The following SLC16A8 variants were observed in gnomAD, a reference collection of about 807,000 sequenced individuals.
SLC16A8 encodes the protein solute carrier family 16 member 8, also known as monocarboxylate transporter 3.
In SLC16A8, 20 loss-of-function variants were observed where a neutral mutation model predicts 22.4. The ratio of observed to expected loss-of-function variants is 0.89; its 90% CI spans 0.63 to 1.30. SLC16A8 has a LOEUF of 1.30. Among genes scored for constraint, SLC16A8 ranks in the 50% most tolerant of loss-of-function variants. SLC16A8 has a pLI of 0.00. For synonymous variants in SLC16A8, 393 were observed against 358.8 expected, an observed-to-expected ratio of 1.10 and a Z score of -1.08; for missense variants, 817 against 740.3, an observed-to-expected ratio of 1.10 and a Z score of -1.20.
rs766320538 is a variant in SLC16A8, at chr22:38,082,854, CG to C, written c.19del (p.Arg7GlyfsTer33). MGAGGP[R>X]RGEGPPDGGW... ...GCCGTCTGGGGGGCCCTCGCCCCGC[CG>C]GGGGCCGCCAGCGCCCATCGCTGCC... On this transcript the variant is annotated frameshift_variant, in exon 3 of 6. Transcript: ENST00000681075. LOFTEE classifies it high-confidence loss of function. 1.4e-5 allele frequency: 22 copies of C among 1,551,374 alleles called. No homozygotes were observed. The African/African-American group carries it at 1.9e-4, about 13-fold the overall frequency.
chr22:38,082,627 C>A, intron 3 of SLC16A8, 33 bp downstream of exon 3: 2 of 1,514,358 alleles, frequency 1.3e-6, no homozygotes, highest in African/African-American at 1.4e-5. Flanking sequence ...CCAGGGGTCC[C>A]GGGGAGGCGG....
intron 5 of SLC16A8, among the ~76,000 whole-genome samples, chr22:38,079,377 A>G (rs2085887356): frequency 1.3e-5 from 2 of 152,084 alleles, no homozygotes; most frequent in South Asian, 2.1e-4. Context: ...TTGGCCTCTC[A>G]AAGTGCTGGG....
chr22:38,078,287 G>A lies in SLC16A8; in HGVS notation c.*101C>T, dbSNP rs768445029. ...CAACTGGAGCCCAGACGTGGACCCCGGGAGTGACCACCCCAGACCAGCCTC... is the reference window on the plus strand; with the variant it reads ...CAACTGGAGCCCAGACGTGGACCCCAGGAGTGACCACCCCAGACCAGCCTC... On this transcript the variant is annotated 3_prime_UTR_variant, in exon 6 of 6. Transcript: ENST00000681075. The A allele has an allele frequency of 1.2e-5, 14 of 1,170,624 alleles. No individual in the cohort carries two copies. The highest frequency in any genetic ancestry group is 1.5e-5 in the African/African-American group (1 of 65,444). 72.5% of individuals were successfully genotyped at this position (1,170,624 alleles called of 1,614,324 possible).
At position 38,078,197 on chromosome 22, in the gene SLC16A8, T is replaced by G. The variant is rs775331053; in HGVS notation, c.*191A>C. 34 of 577,108 alleles carry G rather than the reference T, an allele frequency of 5.9e-5. No homozygotes were observed. Among genetic ancestry groups the G allele is most frequent in the Middle Eastern group, 9.3e-4 (2 of 2,160 alleles). The allele number at this position is 577,108 out of a possible 1,614,324, so 35.7% of individuals were successfully genotyped here. On this transcript the variant is annotated 3_prime_UTR_variant, in exon 6 of 6. Coordinates refer to ENST00000681075, the MANE Select transcript of SLC16A8 (RefSeq NM_013356.3). ...TGCTCCATAGCAGCTTCACTGGCGA[T>G]GGGGCAGGGCCTGGCGGAACTTGGG... is the stretch of plus-strand genomic sequence containing the variant.
Position 38,082,030 on chromosome 22 carries a change from G to A in SLC16A8, c.217C>T (p.Pro73Ser). 1.9e-6 allele frequency: 3 copies of A among 1,577,260 alleles called. No homozygotes were observed. Among genetic ancestry groups the A allele is most frequent in the Non-Finnish European group, 2.6e-6 (3 of 1,162,058 alleles). ...IMLAMLYGTGPVSSILVTRFG... is the reference protein window; with the variant it reads ...IMLAMLYGTGSVSSILVTRFG... ...CGGGTCACGAGGATGCTGGACACGGGGCCTGTGGGCAGGGCAGGGTCACCA... is the reference window on the plus strand; with the variant it reads ...CGGGTCACGAGGATGCTGGACACGGAGCCTGTGGGCAGGGCAGGGTCACCA... Residue 73 changes from proline (P) to serine (S), a missense_variant and splice_region_variant, in exon 4 of 6, where the codon CCC becomes TCC. Physicochemically the swap from Pro to Ser is moderately conservative, Grantham distance 74 (BLOSUM62 -1). Coordinates refer to ENST00000681075, the MANE Select transcript of SLC16A8 (RefSeq NM_013356.3).
intron 5 of SLC16A8, among the ~76,000 whole-genome samples, chr22:38,079,568 C>T (rs1231053189): frequency 1.3e-5 from 2 of 152,170 alleles, no homozygotes; most frequent in Non-Finnish European, 2.9e-5. Flanking sequence ...ACCAGAGGTG[C>T]ACGCCACCAC....
chr22:38,082,909 G>A (rs2085942967), intron 2 of SLC16A8, 28 bp from the exon 3 acceptor site: 1 of 1,304,232 alleles, frequency 7.7e-7, no homozygotes, highest in African/African-American at 1.5e-5. Flanking sequence ...GGACAAGAGG[G>A]AGGGGCTGGG....
chr22:38,078,413 G>T lies in SLC16A8; in HGVS notation c.1490C>A (p.Pro497Gln). Residue 497 changes from proline to glutamine, a missense_variant, in exon 6 of 6, where the codon CCG becomes CAG. Transcript: ENST00000681075. ...TTATACAGACTCGGCAGCCAGCCTCGGCCTCGCCTCTATTTCTGGTTCTGT... is the reference window on the plus strand; with the variant it reads ...TTATACAGACTCGGCAGCCAGCCTCTGCCTCGCCTCTATTTCTGGTTCTGT... ...EPTEPEIEAR[P>Q]RLAAESV is the part of the protein sequence containing the mutation. The T allele has an allele frequency of 6.2e-7, 1 of 1,604,400 alleles. No homozygotes were observed. Among genetic ancestry groups the T allele is most frequent in the Non-Finnish European group, 8.5e-7 (1 of 1,178,012 alleles).
In SLC16A8 at chr22:38,081,394, T is replaced by C. The variant is rs1335600390; in HGVS notation, c.644A>G (p.Asp215Gly). ...RRDSAGDRAG[D>G]APGEAEADGA... The stretch of plus-strand genomic sequence containing the variant: ...GTCAGCCTCCGCCTCGCCCGGAGCG[T>C]CCCCGGCGCGGTCGCCGGCGCTGTC... The change falls in exon 5 of 6, where the codon GAC (aspartate) becomes GGC (glycine). Residue 215 changes from aspartate to glycine, a missense_variant. Transcript: ENST00000681075. The C allele has an allele frequency of 1.2e-5, 16 of 1,370,182 alleles. No homozygotes were observed. Among genetic ancestry groups the C allele is most frequent in the Non-Finnish European group, 1.5e-5 (16 of 1,066,884 alleles). The allele number at this position is 1,370,182 out of a possible 1,614,324, so 84.9% of individuals were successfully genotyped here. A position where few individuals can be genotyped will look rare whatever the true frequency, so the allele number is the denominator to read the frequency against.
At chr22:38,082,120 G>T in intron 3 of SLC16A8, 88 bp from the exon 4 acceptor site, 1 of 1,408,888 alleles carries the variant, frequency 7.1e-7, no homozygotes. Flanking sequence ...GGGACACAGA[G>T]AGGAGGGCAG....
Position 38,081,220 on chromosome 22 carries a change from A to C in SLC16A8, c.818T>G (p.Leu273Arg). The change falls in exon 5 of 6, where the codon CTG (leucine) becomes CGG (arginine). Residue 273 changes from leucine to arginine, a missense_variant. Physicochemically the swap from Leu to Arg is moderately radical, Grantham distance 102 (BLOSUM62 -2). Transcript: ENST00000681075. ...MALGLFVPAI[L>R]LVNYAKDAGV... ...CGCGTCCTTGGCGTAGTTCACCAGC[A>C]GGATGGCGGGGACGAAGAGCCCGAG... 6.3e-7 allele frequency: 1 copy of C among 1,577,760 alleles called. No individual in the cohort carries two copies. Among genetic ancestry groups the C allele is most frequent in the Non-Finnish European group, 8.6e-7 (1 of 1,162,576 alleles).
In SLC16A8 at chr22:38,083,148, C is replaced by T; in HGVS notation, c.-115G>A. 1 of 469,334 alleles carries T rather than the reference C, an allele frequency of 2.1e-6. No individual in the cohort carries two copies. The highest frequency in any genetic ancestry group is 3.8e-6 in the Non-Finnish European group (1 of 262,648). The allele number at this position is 469,334 out of a possible 1,614,324, so 29.1% of individuals were successfully genotyped here. On this transcript the variant is annotated 5_prime_UTR_variant, in exon 2 of 6. Transcript: ENST00000681075. ...CTCCCTCTGAAGGACAACTGCTGGC[C>T]CCTCAGGGCCTCAGGTGGAAGGCGT... is the stretch of plus-strand genomic sequence containing the variant.
chr22:38,082,875 G>A lies in SLC16A8; in HGVS notation c.-2C>T. On this transcript the variant is annotated 5_prime_UTR_variant, in exon 3 of 6. Transcript: ENST00000681075. ...CCGCCGGGGGCCGCCAGCGCCCATC[G>A]CTGCCTCTGTTGGGAGGGGGCGGGG... 1.3e-6 allele frequency: 2 copies of A among 1,531,554 alleles called. No homozygotes were observed. Among genetic ancestry groups the A allele is most frequent in the Non-Finnish European group, 8.8e-7 (1 of 1,140,862 alleles). 94.9% of individuals were successfully genotyped at this position (1,531,554 alleles called of 1,614,324 possible).
intron 5 of SLC16A8, among the ~76,000 whole-genome samples, chr22:38,078,911 C>T (rs2145894847): frequency 6.6e-6 from 1 of 152,326 alleles, no homozygotes; most frequent in African/African-American, 2.4e-5. Context: ...ACTTGCTGTC[C>T]CTGGACCTCA....
intron 5 of SLC16A8, 141 bp from the exon 6 acceptor site, chr22:38,078,845 G>A (rs1004764): frequency 0.66 from 432,693 of 659,144 alleles, 146,565 homozygotes; most frequent in African/African-American, 0.92. Flanking sequence ...CTTTATTCCT[G>A]TTTTACAGAT....
In SLC16A8 at chr22:38,080,919, G is replaced by A; in HGVS notation, c.1119C>T (p.Gly373=). ...CCAGCGCACTGGGGAAGCGGGGCGC[G>A]CCCACAGCCGCCATGAGCACCTCGA... The part of the protein sequence containing the change: ...LQFEVLMAAV[G]APRFPSALGL... Residue 373 remains glycine, a synonymous_variant, in exon 5 of 6, where the codon GGC becomes GGT. Coordinates refer to ENST00000681075, the MANE Select transcript of SLC16A8 (RefSeq NM_013356.3). 7 of 1,571,354 alleles carry A rather than the reference G, an allele frequency of 4.5e-6. No homozygotes were observed. The highest frequency in any genetic ancestry group is 5.1e-6 in the Non-Finnish European group (6 of 1,165,122).
In SLC16A8 at chr22:38,081,599, C is replaced by T. The variant is rs965400443; in HGVS notation, c.439G>A (p.Gly147Arg). 5 of 1,518,096 alleles carry T rather than the reference C, an allele frequency of 3.3e-6. No individual in the cohort carries two copies. The African/African-American group carries it at 5.7e-5, about 17-fold the overall frequency. 94.0% of individuals were successfully genotyped at this position (1,518,096 alleles called of 1,614,324 possible). Residue 147 changes from glycine (G) to arginine (R), a missense_variant, in exon 5 of 6, where the codon GGG (glycine) becomes AGG (arginine). Coordinates refer to ENST00000681075, the MANE Select transcript of SLC16A8 (RefSeq NM_013356.3). ...ACGGGGCTGCCCGCCGCCGCCAGCC[C>T]GTTGGCCAGAGGCCGCCGCCGCTCG... ...YFERRRPLAN[G>R]LAAAGSPVFL...
At chr22:38,080,051 C>T (rs1367506958) in intron 5 of SLC16A8, among the ~76,000 whole-genome samples, 1 of 152,258 alleles carries the variant, frequency 6.6e-6, no homozygotes, top group Non-Finnish European at 1.5e-5. Context: ...CTGGTTACTG[C>T]ACCATCTCAC....
Position 38,081,193 on chromosome 22 carries a change from C to A in SLC16A8, c.845G>T (p.Gly282Val), listed in dbSNP as rs1299319467. The A allele has an allele frequency of 6.4e-7, 1 of 1,558,896 alleles. No homozygotes were observed. The stretch of plus-strand genomic sequence containing the variant: ...GAAGGCGGCGTCGGTGTCGGGCACG[C>A]CCGCGTCCTTGGCGTAGTTCACCAG... Reference protein sequence around the residue: ...ILLVNYAKDAGVPDTDAAFLL... With the variant: ...ILLVNYAKDAVVPDTDAAFLL... The change falls in exon 5 of 6, where the codon GGC becomes GTC. Residue 282 changes from glycine to valine, a missense_variant. Transcript: ENST00000681075.
Sources: gnomAD v4.1 joint callset for allele counts (sites outside exome capture counted in the v4.1 genomes callset) on GRCh38, gnomAD v4.1.1 for gene constraint, MANE v1.5 for transcripts, NCBI Gene and HGNC (gene_info 2026-07-23, HGNC 2026-07-21) for gene names.